The following PCNT variants were observed in gnomAD, a reference collection of about 807,000 sequenced individuals.
PCNT encodes kendrin.
In PCNT, 319 loss-of-function variants were observed where a neutral mutation model predicts 380.4. The observed-to-expected ratio is 0.84, with a 90% CI of 0.77 to 0.92. The LOEUF is 0.92. Among genes scored for constraint, PCNT ranks in the 40% least tolerant of loss-of-function variants. PCNT has a pLI of 0.00. For synonymous variants in PCNT, 1,845 were observed against 1,735.2 expected (o/e 1.06, Z -1.57); for missense variants, 4,400 against 4,255.3 (o/e 1.03, Z -0.95).
At chr21:46,370,318 G>A (rs149263759) in intron 15 of PCNT, among the ~76,000 whole-genome samples, 182 of 152,166 alleles carry the variant, frequency 1.2e-3, no homozygotes, top group African/African-American at 4.2e-3. Flanking sequence ...GGTCTGTGGC[G>A]CGACCAGATC....
chr21:46,324,709 C>T (rs1015684957), intron 1 of PCNT, among the ~76,000 whole-genome samples: 2 of 151,828 alleles, frequency 1.3e-5, no homozygotes, highest in African/African-American at 4.8e-5. Flanking sequence ...CAGTGGCTCC[C>T]GCGTCCTCCG....
chr21:46,426,052 G>A, intron 33 of PCNT, 81 bp downstream of exon 33: 2 of 1,096,786 alleles, frequency 1.8e-6, no homozygotes, highest in East Asian at 2.5e-5. Flanking sequence ...GGGCCACGTG[G>A]ACACTAGGAT....
intron 3 of PCNT, among the ~76,000 whole-genome samples, chr21:46,340,692 T>C (rs1054350009): frequency 1.3e-5 from 2 of 152,178 alleles, no homozygotes; most frequent in Non-Finnish European, 2.9e-5. Context: ...TTTATTGAGA[T>C]GGAGTCTTTC....
Position 46,346,914 on chromosome 21 carries a change from A to C in PCNT, c.892A>C (p.Arg298=). 6.2e-7 allele frequency: 1 copy of C among 1,602,292 alleles called. No individual in the cohort carries two copies. Among genetic ancestry groups the C allele is most frequent in the Non-Finnish European group, 8.5e-7 (1 of 1,175,682 alleles). ...RAQELALLQS[R]QQHELELLRE... ...CCAGGAGCTGGCCCTGCTACAGAGC[A>C]GGCAGCAGCACGAGCTGGAGCTCCT... The change falls in exon 5 of 47, where the codon AGG becomes CGG. Residue 298 remains arginine (R), a synonymous_variant. Transcript: ENST00000359568.
At chr21:46,347,357 C>T (rs554107933) in intron 5 of PCNT, 100 bp from the exon 6 acceptor site, 12 of 1,152,154 alleles carry the variant, frequency 1.0e-5, no homozygotes, top group Middle Eastern at 1.9e-4. Flanking sequence ...AATGCTGGCA[C>T]GTGTCCAGTG....
In PCNT at chr21:46,388,407, G is replaced by C. The variant is rs562308824; in HGVS notation, c.3465-335G>C. 6.6e-6 allele frequency among the ~76,000 whole-genome samples: 1 copy of C among 152,220 alleles called. No individual in the cohort carries two copies. The highest frequency in any genetic ancestry group is 1.5e-5 in the Non-Finnish European group (1 of 68,036). ...AGGGGAGGGGCGGAGCCTGTGTGCT[G>C]CTCCCGGGTGATTGACGCTGTGCGG... On this transcript the variant is annotated intron_variant, in intron 17 of 46. Coordinates refer to ENST00000359568, the MANE Select transcript of PCNT (RefSeq NM_006031.6). This position sits in a 1 kb window ranked among gnomAD's most constrained non-coding sequence, Gnocchi z 4.2.
At chr21:46,344,916 A>G (rs766681390) in intron 3 of PCNT, among the ~76,000 whole-genome samples, 7 of 152,200 alleles carry the variant, frequency 4.6e-5, no homozygotes, top group Non-Finnish European at 7.3e-5. Context: ...AGTTGAAGCA[A>G]CTGATTCTGA....
At chr21:46,349,645 A>G (rs767690990) in intron 7 of PCNT, 39 bp from the exon 8 acceptor site, 2 of 1,606,046 alleles carry the variant, frequency 1.2e-6, no homozygotes, top group East Asian at 2.2e-5. Context: ...GAGGAGAGTG[A>G]TGTCTTGTAA....
At chr21:46,394,213 G>A (rs1158348188) in intron 21 of PCNT, among the ~76,000 whole-genome samples, 4 of 152,188 alleles carry the variant, frequency 2.6e-5, no homozygotes, top group Admixed American at 6.5e-5. Context: ...GGTGTGCAGC[G>A]GCCCTGCCTC....
At chr21:46,399,171 G>A (rs1346768406) in intron 24 of PCNT, among the ~76,000 whole-genome samples, 1 of 151,892 alleles carries the variant, frequency 6.6e-6, no homozygotes. Context: ...AACAAATTCT[G>A]TATTATAGAG....
Position 46,412,052 on chromosome 21 carries a change from T to C in PCNT, c.5979T>C (p.Val1993=). ...CCCATGATGCTGCTTTGGAGCCGGT[T>C]GTCCCTGACCCACAGGTGGGCTCCC... The part of the protein sequence containing the change: ...EASHDAALEP[V]VPDPQGDLQP... The change falls in exon 28 of 47, where the codon GTT becomes GTC. Residue 1993 remains valine, a synonymous_variant. Transcript: ENST00000359568. 6.2e-7 allele frequency: 1 copy of C among 1,607,474 alleles called. No individual in the cohort carries two copies. Among genetic ancestry groups the C allele is most frequent in the Non-Finnish European group, 8.5e-7 (1 of 1,179,802 alleles).
rs751028699 is a variant in PCNT at position 46,366,871 on chromosome 21, C to T, written c.2897C>T (p.Ser966Phe). ...GGCGCTCTGGAGACCAGACATCTGT[C>T]CAGCCTTGATTCTTTGGAATCCTGT... Reference protein sequence around the residue: ...DLGALETRHLSSLDSLESCYL... With the variant: ...DLGALETRHLFSLDSLESCYL... Residue 966 changes from serine to phenylalanine, a missense_variant, in exon 15 of 47, where the codon TCC becomes TTC. Ser to Phe is a radical substitution (Grantham distance 155, BLOSUM62 -2). Coordinates refer to ENST00000359568, the MANE Select transcript of PCNT (RefSeq NM_006031.6). 1.2e-6 allele frequency: 2 copies of T among 1,614,176 alleles called. No homozygotes were observed. The highest frequency in any genetic ancestry group is 1.7e-6 in the Non-Finnish European group (2 of 1,180,054).
rs1310576601 is a variant in PCNT, at chr21:46,425,298, T to C, written c.7180-533T>C. On this transcript the variant is annotated intron_variant, in intron 32 of 46. Coordinates refer to ENST00000359568, the MANE Select transcript of PCNT (RefSeq NM_006031.6). This position sits in a 1 kb window ranked among gnomAD's most constrained non-coding sequence, Gnocchi z 4.2. ...TCACAGACCTGTGGGCAGGGCCTGC[T>C]GGGGATGGTTTTCTCTGCTCCCCGT... 6.6e-6 allele frequency among the ~76,000 whole-genome samples: 1 copy of C among 152,216 alleles called. No homozygotes were observed. The highest frequency in any genetic ancestry group is 1.5e-5 in the Non-Finnish European group (1 of 68,032).
At position 46,432,027 on chromosome 21, in the gene PCNT, C is replaced by T. The variant is rs141816832; in HGVS notation, c.8563C>T (p.Arg2855Ter). Residue 2855 changes from arginine to a stop codon, truncating the protein, a stop_gained, in exon 38 of 47, where the codon CGA becomes TGA. Coordinates refer to ENST00000359568, the MANE Select transcript of PCNT (RefSeq NM_006031.6). LOFTEE classifies it high-confidence loss of function. ...STVEALHTQK[R>*]ELRCSLERER... ...GGTGGAAGCCCTGCACACCCAAAAA[C>T]GAGAGCTGAGATGCTCTCTGGAGAG... 19 of 1,613,956 alleles carry T rather than the reference C, an allele frequency of 1.2e-5. No individual in the cohort carries two copies. In the African/African-American group the frequency reaches 1.6e-4, roughly 14 times the overall value.
chr21:46,379,321 C>T (rs1227283510), intron 15 of PCNT, among the ~76,000 whole-genome samples: 1 of 152,142 alleles, frequency 6.6e-6, no homozygotes, highest in African/African-American at 2.4e-5. Context: ...GAGCCGCACC[C>T]ATCTTCCTGG....
chr21:46,421,219 C>T (rs2087234917), intron 31 of PCNT, among the ~76,000 whole-genome samples: 10 of 152,224 alleles, frequency 6.6e-5, no homozygotes. Context: ...GGGGCATCAT[C>T]CCCCAGGTGC....
intron 21 of PCNT, among the ~76,000 whole-genome samples, chr21:46,393,047 G>A (rs1430466657): frequency 1.3e-5 from 2 of 152,208 alleles, no homozygotes. Flanking sequence ...TTGCTCGGGG[G>A]TGGATTTTCC....
intron 38 of PCNT, 112 bp from the exon 39 acceptor site, chr21:46,435,792 T>A: frequency 8.1e-7 from 1 of 1,229,976 alleles, no homozygotes; most frequent in Non-Finnish European, 1.2e-6. Flanking sequence ...TCTGCCCGCC[T>A]CGGCCTCCCA....
At chr21:46,380,677 T>G (rs2839235) in intron 15 of PCNT, among the ~76,000 whole-genome samples, 13 of 151,928 alleles carry the variant, frequency 8.6e-5, no homozygotes, top group African/African-American at 2.9e-4. Flanking sequence ...TTTGTTCTTA[T>G]GGACACTCAG....
Sources: allele counts gnomAD v4.1 joint callset (sites outside exome capture counted in the v4.1 genomes callset), GRCh38; gene constraint gnomAD v4.1.1; non-coding constraint Gnocchi (gnomAD v3.1); transcripts MANE v1.5; gene names NCBI Gene and HGNC (gene_info 2026-07-23, HGNC 2026-07-21).